Variants in NRXN3 observed in about 807,000 individuals in gnomAD.
NRXN3 encodes the protein neurexin 3, also known as neurexin III.
A neutral mutation model predicts 137.6 loss-of-function variants in NRXN3; 32 were observed. The observed-to-expected ratio is 0.23, with a 90% CI of 0.18 to 0.31. The LOEUF is 0.31. Ranked by LOEUF, NRXN3 falls within the 10% of genes least tolerant of loss-of-function variation. The pLI, the probability that NRXN3 is intolerant of heterozygous loss-of-function variation, is 1.00. For missense variants in NRXN3, 1,574 were observed against 2,062.5 expected, an observed-to-expected ratio of 0.76 and a Z score of 4.59; for synonymous variants, 798 against 784.5, an observed-to-expected ratio of 1.02 and a Z score of -0.29.
At chr14:79,223,350 A>C (rs969308679) in intron 15 of NRXN3, among the ~76,000 whole-genome samples, 3 of 152,082 alleles carry the variant, frequency 2.0e-5, no homozygotes, top group African/African-American at 7.2e-5. Context: ...TTAATGTTTC[A>C]ATGATCTTGG....
intron 15 of NRXN3, among the ~76,000 whole-genome samples, chr14:79,306,057 A>T (rs2085997047): frequency 6.6e-6 from 1 of 152,100 alleles, no homozygotes. Context: ...ATGTGATTCC[A>T]TCATTGAAAT....
intron 15 of NRXN3, among the ~76,000 whole-genome samples, chr14:79,228,258 T>C (rs2071440173): frequency 6.6e-6 from 1 of 152,096 alleles, no homozygotes; most frequent in Non-Finnish European, 1.5e-5. Context: ...GAAGTCTCCC[T>C]GATAAAGCTT....
chr14:79,493,722 G>T (rs28538765), intron 16 of NRXN3, among the ~76,000 whole-genome samples: 3,390 of 152,288 alleles, frequency 0.022, 138 homozygotes, highest in African/African-American at 0.077. Flanking sequence ...GGCAGTTTGG[G>T]AATGTCAACC....
intron 11 of NRXN3, among the ~76,000 whole-genome samples, chr14:78,960,769 C>T (rs527304028): frequency 3.0e-4 from 46 of 152,246 alleles, no homozygotes; most frequent in African/African-American, 1.1e-3. Flanking sequence ...TACACTGGTT[C>T]TTGTTGACTT....
At chr14:78,218,283 G>A (rs1166995290) in intron 1 of NRXN3, among the ~76,000 whole-genome samples, 1 of 152,158 alleles carries the variant, frequency 6.6e-6, no homozygotes, top group Non-Finnish European at 1.5e-5. Flanking sequence ...CTTGAGCCTA[G>A]GAGTTGAGGC....
At chr14:79,856,030 T>C (rs1030871823) in intron 20 of NRXN3, among the ~76,000 whole-genome samples, 9 of 152,176 alleles carry the variant, frequency 5.9e-5, no homozygotes, top group Non-Finnish European at 1.2e-4. Flanking sequence ...CATAATGATA[T>C]CAAGGGGCTG....
intron 17 of NRXN3, among the ~76,000 whole-genome samples, chr14:79,667,599 C>T (rs904329528): frequency 6.6e-6 from 1 of 151,958 alleles, no homozygotes; most frequent in South Asian, 2.1e-4. Flanking sequence ...CTATAGCAAT[C>T]GGAATCTTAT....
chr14:78,644,551 G>T (rs1380828004), intron 4 of NRXN3, among the ~76,000 whole-genome samples: 1 of 152,102 alleles, frequency 6.6e-6, no homozygotes, highest in Non-Finnish European at 1.5e-5. Context: ...CACCTGCTCA[G>T]GTCCAACCTC....
rs374040100 is a variant in NRXN3 at position 79,381,544 on chromosome 14, G to T, written c.3263-85677G>T. On this transcript the variant is annotated intron_variant, in intron 15 of 20. Transcript: ENST00000335750. ...CCTCTGAGGACGATGAACCCCGGCT[G>T]TTCTCTCAGTACCCCTGAAAAATGG... 1.2e-3 allele frequency among the ~76,000 whole-genome samples: 186 copies of T among 152,214 alleles called. 10 individuals are homozygous for T. The South Asian group carries it at 0.038, about 31-fold the overall frequency.
intron 6 of NRXN3, among the ~76,000 whole-genome samples, chr14:78,706,484 G>A (rs1220152748): frequency 6.6e-6 from 1 of 152,216 alleles, no homozygotes; most frequent in Non-Finnish European, 1.5e-5. Context: ...GGTGCTGCTA[G>A]TGGGGCCTGG....
chr14:78,765,701 T>C (rs939419398), intron 8 of NRXN3, among the ~76,000 whole-genome samples: 8 of 152,148 alleles, frequency 5.3e-5, no homozygotes, highest in African/African-American at 1.9e-4. Flanking sequence ...TTTCATTAAA[T>C]GTTTGTTAAG....
At chr14:79,565,682 GAAT>G (rs571692391) in intron 16 of NRXN3, among the ~76,000 whole-genome samples, 2 of 151,994 alleles carry the variant, frequency 1.3e-5, no homozygotes, top group South Asian at 4.1e-4. Context: ...ATGGAAGGAT[GAAT>G]AATACCTCAA....
rs145781010 is a variant in NRXN3 at position 78,438,973 on chromosome 14, C to T, written c.757+141113C>T. On this transcript the variant is annotated intron_variant, in intron 4 of 20. Coordinates refer to ENST00000335750, the MANE Select transcript of NRXN3 (RefSeq NM_001330195.2). ...CCAGTAGAGTAATGGGGGATGGAGC[C>T]AGGGAGGGAATGAGAGTCGCAAGTG... Among the ~76,000 whole-genome samples the T allele has an allele frequency of 5.0e-3, 755 of 151,824 alleles. 9 individuals carry two copies. Among genetic ancestry groups the T allele is most frequent in the African/African-American group, 0.017 (719 of 41,418 alleles).
intron 15 of NRXN3, among the ~76,000 whole-genome samples, chr14:79,404,531 G>T (rs2095271344): frequency 6.6e-6 from 1 of 152,150 alleles, no homozygotes; most frequent in Non-Finnish European, 1.5e-5. Context: ...TCTAGAAGAA[G>T]AGTTCTGGAA....
At chr14:79,118,596 C>T (rs536126554) in intron 15 of NRXN3, among the ~76,000 whole-genome samples, 14 of 152,332 alleles carry the variant, frequency 9.2e-5, no homozygotes, top group Non-Finnish European at 1.9e-4. Flanking sequence ...CTCAAGCCCG[C>T]CCACAGTAGA....
At chr14:78,357,522 A>G (rs577725067) in intron 4 of NRXN3, among the ~76,000 whole-genome samples, 1 of 152,290 alleles carries the variant, frequency 6.6e-6, no homozygotes, top group African/African-American at 2.4e-5. Flanking sequence ...TTGTTTCCCT[A>G]CTGGTGAATT....
At chr14:79,720,317 A>G (rs11849011) in intron 19 of NRXN3, among the ~76,000 whole-genome samples, 4,867 of 152,164 alleles carry the variant, frequency 0.032, 267 homozygotes, top group African/African-American at 0.11. Context: ...CCTCCTTAAT[A>G]ATCCCCTTGA....
At chr14:78,188,174 G>T (rs755046026) in intron 1 of NRXN3, among the ~76,000 whole-genome samples, 8 of 152,088 alleles carry the variant, frequency 5.3e-5, no homozygotes, top group Non-Finnish European at 8.8e-5. Flanking sequence ...CAGGATTCAA[G>T]GTTTTTCCCC....
At chr14:78,475,862 ACTT>A (rs1235186572) in intron 4 of NRXN3, among the ~76,000 whole-genome samples, 2 of 152,210 alleles carry the variant, frequency 1.3e-5, no homozygotes, top group African/African-American at 4.8e-5. Flanking sequence ...AATTTATTGA[ACTT>A]CTACTATGTG....
Sources: gnomAD v4.1 joint callset for allele counts (sites outside exome capture counted in the v4.1 genomes callset) on GRCh38, gnomAD v4.1.1 for gene constraint, MANE v1.5 for transcripts, NCBI Gene and HGNC (gene_info 2026-07-23, HGNC 2026-07-21) for gene names.